BAZ2B: variants seen among roughly 807,000 people sequenced by gnomAD.
BAZ2B encodes the protein bromodomain adjacent to zinc finger domain protein 2B.
A neutral mutation model predicts 246.0 loss-of-function variants in BAZ2B; 91 were observed. That is an observed-to-expected ratio of 0.37 (90% CI 0.31 to 0.44). The LOEUF is 0.44. Among genes scored for constraint, BAZ2B ranks in the 20% least tolerant of loss-of-function variants. BAZ2B has a pLI of 1.00. For synonymous variants in BAZ2B, 855 were observed against 860.0 expected, an observed-to-expected ratio of 0.99 and a Z score of 0.10; for missense variants, 2,332 against 2,533.7, an observed-to-expected ratio of 0.92 and a Z score of 1.71.
intron 3 of BAZ2B, among the ~76,000 whole-genome samples, chr2:159,467,500 A>G (rs2077223571): frequency 6.6e-6 from 1 of 152,124 alleles, no homozygotes; most frequent in Admixed American, 6.5e-5. Context: ...ACCAATAAAA[A>G]TCCCAGAATG....
At chr2:159,500,161 TAA>T (rs1350489757) in intron 2 of BAZ2B, among the ~76,000 whole-genome samples, 1 of 152,222 alleles carries the variant, frequency 6.6e-6, no homozygotes, top group Admixed American at 6.5e-5. Flanking sequence ...GTTTTACATT[TAA>T]GTCTTTAATC....
chr2:159,661,743 C>T, the BAZ2B span, among the ~76,000 whole-genome samples: 3 of 151,358 alleles, frequency 2.0e-5, no homozygotes, highest in African/African-American at 7.3e-5. Context: ...AATTCAGTGG[C>T]ATTTAGTACA....
chr2:159,447,105 T>TAGATGGAATCATACAACA, intron 5 of BAZ2B, 130 bp from the exon 6 acceptor site: 1 of 631,798 alleles, frequency 1.6e-6, no homozygotes, highest in Non-Finnish European at 2.5e-6. Context: ...AAAGGTCATG[T>TAGATGGAATCATACAACA]TGTATGATTC....
chr2:159,354,488 C>T (rs1257849167), intron 27 of BAZ2B, among the ~76,000 whole-genome samples: 1 of 152,040 alleles, frequency 6.6e-6, no homozygotes, highest in Non-Finnish European at 1.5e-5. Context: ...GTAGCTGAGA[C>T]TAGAGGCACG....
chr2:159,626,511 T>G, the BAZ2B span, among the ~76,000 whole-genome samples: 1 of 152,164 alleles, frequency 6.6e-6, no homozygotes, highest in Non-Finnish European at 1.5e-5. Flanking sequence ...AACTCAGGAT[T>G]AAGAAACTCA....
At chr2:159,549,392 A>G (rs895079158) in intron 2 of BAZ2B, among the ~76,000 whole-genome samples, 1 of 152,184 alleles carries the variant, frequency 6.6e-6, no homozygotes, top group Non-Finnish European at 1.5e-5. Context: ...CTTCTACATT[A>G]TACTTCAAAG....
At chr2:159,634,203 C>T in the BAZ2B span, among the ~76,000 whole-genome samples, 1 of 152,286 alleles carries the variant, frequency 6.6e-6, no homozygotes, top group South Asian at 2.1e-4. Context: ...AGTGCAATTT[C>T]TTTAACGTAA....
chr2:159,371,567 T>A (rs971656256), intron 27 of BAZ2B, among the ~76,000 whole-genome samples: 6 of 152,230 alleles, frequency 3.9e-5, no homozygotes, highest in African/African-American at 1.4e-4. Flanking sequence ...CTTCCTTTTA[T>A]CCCTGTTTGC....
At chr2:159,371,565 T>A (rs1217176702) in intron 27 of BAZ2B, among the ~76,000 whole-genome samples, 4 of 152,244 alleles carry the variant, frequency 2.6e-5, no homozygotes, top group African/African-American at 9.6e-5. Context: ...GTCTTCCTTT[T>A]ATCCCTGTTT....
intron 33 of BAZ2B, among the ~76,000 whole-genome samples, chr2:159,335,819 C>T (rs2065573745): frequency 6.6e-6 from 1 of 152,178 alleles, no homozygotes; most frequent in South Asian, 2.1e-4. Context: ...TTTAACCATT[C>T]ATGAAAAGAA....
At chr2:159,421,983 A>C (rs2068843087) in intron 13 of BAZ2B, among the ~76,000 whole-genome samples, 1 of 152,144 alleles carries the variant, frequency 6.6e-6, no homozygotes, top group South Asian at 2.1e-4. Flanking sequence ...ACGCAATCTC[A>C]TTTACAATAA....
chr2:159,433,384 A>G, intron 8 of BAZ2B, 21 bp from the exon 9 acceptor site: 1 of 1,576,934 alleles, frequency 6.3e-7, no homozygotes. Context: ...ATAAGTTAAA[A>G]AACACAACAA....
the BAZ2B span, among the ~76,000 whole-genome samples, chr2:159,656,881 T>C: frequency 5.4e-4 from 83 of 152,296 alleles, no homozygotes; most frequent in Non-Finnish European, 1.1e-3. Flanking sequence ...CTCTGCATGT[T>C]TGAATAACAG....
intron 1 of BAZ2B, among the ~76,000 whole-genome samples, chr2:159,589,477 A>C (rs907583513): frequency 2.0e-5 from 3 of 152,228 alleles, no homozygotes; most frequent in African/African-American, 7.2e-5. Context: ...CACTGTGAGG[A>C]AAAAATGATG....
chr2:159,658,215 T>C, the BAZ2B span, among the ~76,000 whole-genome samples: 1 of 152,256 alleles, frequency 6.6e-6, no homozygotes, highest in African/African-American at 2.4e-5. Context: ...GTTGATGTCA[T>C]GAATTTCATT....
At chr2:159,643,425 C>A in the BAZ2B span, among the ~76,000 whole-genome samples, 1 of 152,172 alleles carries the variant, frequency 6.6e-6, no homozygotes, top group African/African-American at 2.4e-5. Context: ...TTCTTACAAT[C>A]TCACTTACCC....
chr2:159,427,825 T>C (rs1490549982), intron 13 of BAZ2B, 116 bp downstream of exon 13: 4 of 751,862 alleles, frequency 5.3e-6, no homozygotes, highest in East Asian at 2.7e-5. Flanking sequence ...GTTATATGTA[T>C]AGCCATATGA....
intron 1 of BAZ2B, among the ~76,000 whole-genome samples, chr2:159,599,361 G>A (rs1168510637): frequency 3.3e-5 from 5 of 152,146 alleles, no homozygotes; most frequent in Non-Finnish European, 7.3e-5. Flanking sequence ...GCTCAAGCCT[G>A]TAATCCCAGC....
At chr2:159,337,806 C>T (rs746773068) in intron 31 of BAZ2B, 34 bp from the exon 32 acceptor site, 17 of 1,581,250 alleles carry the variant, frequency 1.1e-5, no homozygotes, top group Middle Eastern at 1.7e-4. Context: ...ATTATGGTTT[C>T]CTCTTAAAAT....
Sources: gnomAD v4.1 joint callset for allele counts (sites outside exome capture counted in the v4.1 genomes callset) on GRCh38, gnomAD v4.1.1 for gene constraint, MANE v1.5 for transcripts, NCBI Gene and HGNC (gene_info 2026-07-23, HGNC 2026-07-21) for gene names.